The following RFX3 variants were observed in gnomAD, a reference collection of about 807,000 sequenced individuals.
RFX3 encodes transcription factor RFX3.
RFX3 carries 14 observed loss-of-function variants against 98.6 expected under a neutral mutation model. The observed-to-expected ratio is 0.14, with a 90% CI of 0.09 to 0.22. The LOEUF (loss-of-function observed/expected upper bound fraction) is 0.22, where lower values mean the gene tolerates loss of function less well. Among genes scored for constraint, RFX3 ranks in the 10% least tolerant of loss-of-function variants. The probability of loss-of-function intolerance (pLI) is 1.00; values close to 1 mark genes in which losing one functional copy is unlikely to be tolerated. For synonymous variants in RFX3, 383 were observed against 328.4 expected (o/e 1.17, Z -1.80); for missense variants, 639 against 926.9 (o/e 0.69, Z 4.03).
intron 12 of RFX3, 77 bp from the exon 13 acceptor site, chr9:3,263,161 C>A (rs1277879912): frequency 2.0e-6 from 3 of 1,493,994 alleles, no homozygotes; most frequent in Non-Finnish European, 2.7e-6. Flanking sequence ...AATCTTCTTT[C>A]CCTTCACAAA....
At chr9:3,409,987 G>C (rs1218404220) in intron 1 of RFX3, among the ~76,000 whole-genome samples, 1 of 152,082 alleles carries the variant, frequency 6.6e-6, no homozygotes, top group Non-Finnish European at 1.5e-5. Context: ...GGCACTCAGA[G>C]GTAGCAAGGC....
intron 2 of RFX3, among the ~76,000 whole-genome samples, chr9:3,362,651 G>C (rs558399519): frequency 6.6e-6 from 1 of 152,332 alleles, no homozygotes; most frequent in South Asian, 2.1e-4. Context: ...GTGTAATAGT[G>C]TTATGCCTGA....
intron 16 of RFX3, among the ~76,000 whole-genome samples, chr9:3,228,335 T>C (rs903851799): frequency 1.3e-5 from 2 of 152,202 alleles, no homozygotes; most frequent in African/African-American, 4.8e-5. Flanking sequence ...AGAGTGGCAA[T>C]GCTGATATTA....
Position 3,493,699 on chromosome 9 carries a change from A to AT in RFX3, c.-9+32047_-9+32048insA, listed in dbSNP as rs1850907755. Among the ~76,000 whole-genome samples, 853 of 101,424 alleles carry AT rather than the reference A, an allele frequency of 8.4e-3. 1 individual carries two copies. The highest frequency in any genetic ancestry group is 0.015 in the Middle Eastern group (3 of 198). The allele number at this position is 101,424 out of a possible 152,430, so 66.5% of individuals were successfully genotyped here. On this transcript the variant is annotated intron_variant, in intron 1 of 16. Transcript: ENST00000617270. ...ACTCATCTCAAAAAAAAAAAAAAAAAAATATATATATATATATATATATAT... is the reference window on the plus strand; with the variant it reads ...ACTCATCTCAAAAAAAAAAAAAAAAATAATATATATATATATATATATATAT...
intron 2 of RFX3, among the ~76,000 whole-genome samples, chr9:3,356,973 G>GCACACA (rs200669491): frequency 8.5e-5 from 11 of 129,036 alleles, no homozygotes; most frequent in African/African-American, 2.6e-4. Flanking sequence ...GCACACACAC[G>GCACACA]CACACACACA....
intron 1 of RFX3, among the ~76,000 whole-genome samples, chr9:3,440,617 A>G (rs1328796673): frequency 6.6e-6 from 1 of 152,174 alleles, no homozygotes; most frequent in Non-Finnish European, 1.5e-5. Context: ...TAACTTGTTC[A>G]TGGGTTACAT....
chr9:3,458,377 C>G (rs1413007413), intron 1 of RFX3, among the ~76,000 whole-genome samples: 2 of 152,106 alleles, frequency 1.3e-5, no homozygotes, highest in Admixed American at 1.3e-4. Flanking sequence ...TAGAGCATAA[C>G]ACAAGTATTA....
At chr9:3,280,215 A>G (rs1268732126) in intron 7 of RFX3, among the ~76,000 whole-genome samples, 1 of 151,814 alleles carries the variant, frequency 6.6e-6, no homozygotes, top group Non-Finnish European at 1.5e-5. Flanking sequence ...CTCCTGGGAA[A>G]AGGTCTAGGG....
rs1305330532 is a variant in RFX3, at chr9:3,478,822, T to G, written c.-9+46925A>C. Among the ~76,000 whole-genome samples the G allele has an allele frequency of 3.9e-5, 6 of 152,208 alleles. No homozygotes were observed. In the South Asian group the frequency reaches 1.2e-3, roughly 31 times the overall value. On this transcript the variant is annotated intron_variant, in intron 1 of 16. Transcript: ENST00000617270. Reference sequence around the variant, plus strand: ...TAAATTCCTGGCCAGATTCTTCCTTTGCCTCAACTGAAATCACAGCCTTAG... The same window carrying G: ...TAAATTCCTGGCCAGATTCTTCCTTGGCCTCAACTGAAATCACAGCCTTAG...
At chr9:3,245,187 G>A (rs609640) in intron 15 of RFX3, among the ~76,000 whole-genome samples, 149,928 of 152,334 alleles carry the variant, frequency 0.98, 73,822 homozygotes, top group Middle Eastern at 1. Flanking sequence ...GACTTGAACT[G>A]TTTAAGGTAT....
chr9:3,504,958 T>G (rs796887739), intron 1 of RFX3, among the ~76,000 whole-genome samples: 16 of 60,488 alleles, frequency 2.6e-4, no homozygotes, highest in Admixed American at 3.2e-4. Context: ...TAATATATAT[T>G]ATATATAATA....
At chr9:3,446,608 A>G (rs1846075576) in intron 1 of RFX3, among the ~76,000 whole-genome samples, 1 of 152,156 alleles carries the variant, frequency 6.6e-6, no homozygotes, top group South Asian at 2.1e-4. Flanking sequence ...CTTCAAAAAA[A>G]AAAACATACA....
intron 15 of RFX3, among the ~76,000 whole-genome samples, chr9:3,246,879 T>G (rs1820746687): frequency 6.6e-6 from 1 of 152,074 alleles, no homozygotes; most frequent in Admixed American, 6.6e-5. Flanking sequence ...CAGCAAGGGG[T>G]TTTAAAGAAG....
At chr9:3,505,222 T>TTATATATGAATATATATTTATG (rs1816838487) in intron 1 of RFX3, among the ~76,000 whole-genome samples, 1 of 55,576 alleles carries the variant, frequency 1.8e-5, no homozygotes, top group Non-Finnish European at 2.7e-5. Flanking sequence ...GAATATATAT[T>TTATATATGAATATATATTTATG]TATATATGAA....
chr9:3,266,441 T>A (rs1046959158), intron 11 of RFX3, 136 bp from the exon 12 acceptor site: 1 of 443,106 alleles, frequency 2.3e-6, no homozygotes, highest in Admixed American at 4.0e-5. Flanking sequence ...GATGAAACTT[T>A]ATTTAACATT....
intron 1 of RFX3, among the ~76,000 whole-genome samples, chr9:3,418,872 T>C (rs773486761): frequency 3.9e-5 from 6 of 152,204 alleles, no homozygotes; most frequent in Non-Finnish European, 8.8e-5. Context: ...GCAAGAGACA[T>C]GATCCAGTGG....
chr9:3,413,634 T>C (rs1283955464), intron 1 of RFX3, among the ~76,000 whole-genome samples: 8 of 152,134 alleles, frequency 5.3e-5, no homozygotes, highest in Non-Finnish European at 8.8e-5. Flanking sequence ...TTCTTTCTCC[T>C]TGCTCTGAAG....
intron 2 of RFX3, among the ~76,000 whole-genome samples, chr9:3,361,662 A>T (rs894094277): frequency 1.2e-5 from 1 of 84,858 alleles, no homozygotes; most frequent in Admixed American, 1.1e-4. Flanking sequence ...TTTCTTTAGG[A>T]AAAAAAAAAA....
chr9:3,377,523 G>C (rs183341347), intron 2 of RFX3, among the ~76,000 whole-genome samples: 16 of 152,028 alleles, frequency 1.1e-4, no homozygotes, highest in East Asian at 3.9e-4. Flanking sequence ...ACCAACATGG[G>C]ACATGTATAC....
Sources: allele counts gnomAD v4.1 joint callset (sites outside exome capture counted in the v4.1 genomes callset), GRCh38; gene constraint gnomAD v4.1.1; transcripts MANE v1.5; gene names NCBI Gene and HGNC (gene_info 2026-07-23, HGNC 2026-07-21).